Variants in GCNT1 observed in about 807,000 individuals in gnomAD.
The protein encoded by GCNT1 is glucosaminyl (N-acetyl) transferase 1.
In GCNT1, 16 loss-of-function variants were observed where a neutral mutation model predicts 26.2. The observed-to-expected ratio is 0.61, with a 90% confidence interval of 0.41 to 0.93. The LOEUF is 0.93. GCNT1 is among the 40% of genes least tolerant of loss of function. The pLI, the probability that GCNT1 is intolerant of heterozygous loss-of-function variation, is 0.00. For missense variants in GCNT1, 477 were observed against 526.7 expected (o/e 0.91, Z 0.92); for synonymous variants, 183 against 190.8 (o/e 0.96, Z 0.34).
chr9:76,473,086 TATGGGACC>T (rs1824175797), intron 2 of GCNT1, among the ~76,000 whole-genome samples: 3 of 152,274 alleles, frequency 2.0e-5, no homozygotes, highest in African/African-American at 7.2e-5. Flanking sequence ...TCTTGTAATT[TATGGGACC>T]ACAGACTCCA....
rs978890222 is a variant in GCNT1 at position 76,504,396 on chromosome 9, G to A, written c.*728G>A. ...AGACATCTTTTTTAAAAAAATTATAGCTTCTACCAAGAGAAACACTCAATT... is the reference window on the plus strand; with the variant it reads ...AGACATCTTTTTTAAAAAAATTATAACTTCTACCAAGAGAAACACTCAATT... On this transcript the variant is annotated 3_prime_UTR_variant, in exon 4 of 4. Transcript: ENST00000376730. 5 of 195,164 alleles carry A rather than the reference G, an allele frequency of 2.6e-5. No individual in the cohort carries two copies. The highest frequency in any genetic ancestry group is 1.2e-4 in the African/African-American group (5 of 42,630). The allele number at this position is 195,164 out of a possible 1,614,324, so 12.1% of individuals were successfully genotyped here.
At chr9:76,416,963 G>A (rs1017481102), upstream of GCNT1, among the ~76,000 whole-genome samples, 1 of 152,130 alleles carries the variant, frequency 6.6e-6, no homozygotes, top group Non-Finnish European at 1.5e-5. Flanking sequence ...GGGAGGCTAA[G>A]GCAGGAGAAT....
At chr9:76,394,463 G>C in the GCNT1 span, 1 of 317,916 alleles carries the variant, frequency 3.1e-6, no homozygotes. Flanking sequence ...GGGGCGGCCC[G>C]AAGCGCAGAG....
At chr9:76,422,658 TCCTCCCA>T (rs893684018) in intron 1 of GCNT1, among the ~76,000 whole-genome samples, 1 of 152,142 alleles carries the variant, frequency 6.6e-6, no homozygotes, top group Admixed American at 6.6e-5. Flanking sequence ...GCTCAAGTGA[TCCTCCCA>T]CCTCAGCCTC....
In GCNT1 at chr9:76,443,037, G is replaced by C. The variant is rs117930616; in HGVS notation, c.-290+722G>C. Among the ~76,000 whole-genome samples, 312 of 152,252 alleles carry C rather than the reference G, an allele frequency of 2.0e-3. 4 individuals are homozygous for C. In the East Asian group the frequency reaches 0.036, roughly 18 times the overall value. ...CATGGCCCAAGGTGGTAGCAATGGA[G>C]ATGGGTAAAAGGGATCCTAATCTGG... is the stretch of plus-strand genomic sequence containing the variant. On this transcript the variant is annotated intron_variant, in intron 1 of 2. Coordinates refer to the GCNT1 transcript ENST00000442371.
chr9:76,485,141 T>G (rs1216134694), intron 2 of GCNT1, among the ~76,000 whole-genome samples: 2 of 152,040 alleles, frequency 1.3e-5, no homozygotes, highest in African/African-American at 4.8e-5. Flanking sequence ...TTGTACTCAA[T>G]GGCATTTTTT....
At chr9:76,407,288 CA>C in the GCNT1 span, among the ~76,000 whole-genome samples, 18 of 151,980 alleles carry the variant, frequency 1.2e-4, no homozygotes, top group East Asian at 3.5e-3. Flanking sequence ...TAATTTTGGG[CA>C]TGAGTATAAA....
intron 2 of GCNT1, among the ~76,000 whole-genome samples, chr9:76,483,613 G>A (rs368896826): frequency 6.6e-6 from 1 of 151,916 alleles, no homozygotes; most frequent in Non-Finnish European, 1.5e-5. Context: ...TGTAGAGATG[G>A]TATCTCACCA....
At chr9:76,481,411 ATT>A (rs67182156) in intron 2 of GCNT1, among the ~76,000 whole-genome samples, 32 of 144,142 alleles carry the variant, frequency 2.2e-4, no homozygotes, top group African/African-American at 5.0e-4. Flanking sequence ...TTTTTTTGTG[ATT>A]TTTTTTTTTT....
At chr9:76,473,073 GT>G (rs1351569286) in intron 2 of GCNT1, among the ~76,000 whole-genome samples, 2 of 152,062 alleles carry the variant, frequency 1.3e-5, no homozygotes, top group Admixed American at 1.3e-4. Flanking sequence ...TTACGTCTTT[GT>G]TTCTTGTAAT....
the GCNT1 span, among the ~76,000 whole-genome samples, chr9:76,413,668 G>GTTTTTTTTTTTTTTTTTTGT: frequency 1.2e-5 from 1 of 84,212 alleles, no homozygotes; most frequent in Non-Finnish European, 2.6e-5. Flanking sequence ...TTTTTTTTTT[G>GTTTTTTTTTTTTTTTTTTGT]TTTTTTTTTT....
rs1228681856 is a variant in GCNT1, at chr9:76,451,936, TTTTC to T, written c.-290+9633_-290+9636del. On this transcript the variant is annotated intron_variant, in intron 1 of 2. Transcript: ENST00000442371. Reference sequence around the variant, plus strand: ...TCCTTATAGTACAACTTTTCTTTTCTTTTCTTTCTTTCTTTTTTTTTTTTTTTTT... The same window carrying T: ...TCCTTATAGTACAACTTTTCTTTTCTTTTCTTTCTTTTTTTTTTTTTTTTT... Among the ~76,000 whole-genome samples the T allele has an allele frequency of 2.8e-5, 4 of 143,382 alleles. No homozygotes were observed. In the South Asian group the frequency reaches 6.6e-4, roughly 24 times the overall value. 94.1% of individuals were successfully genotyped at this position (143,382 alleles called of 152,430 possible).
intron 2 of GCNT1, among the ~76,000 whole-genome samples, chr9:76,478,670 C>G (rs941572651): frequency 6.6e-6 from 1 of 152,114 alleles, no homozygotes; most frequent in African/African-American, 2.4e-5. Flanking sequence ...AATTTCATTC[C>G]TTTTTAAGAC....
chr9:76,472,699 A>AC (rs772041376), intron 2 of GCNT1, among the ~76,000 whole-genome samples: 22 of 151,938 alleles, frequency 1.4e-4, no homozygotes, highest in Non-Finnish European at 2.6e-4. Flanking sequence ...AAGGAGCCAA[A>AC]CCAGCAACAG....
chr9:76,403,396 A>T, the GCNT1 span, among the ~76,000 whole-genome samples: 1 of 152,228 alleles, frequency 6.6e-6, no homozygotes, highest in Non-Finnish European at 1.5e-5. Flanking sequence ...CAGGGGAAAA[A>T]CTATGCAAAT....
At chr9:76,485,346 G>T (rs950241719) in intron 2 of GCNT1, among the ~76,000 whole-genome samples, 5 of 151,750 alleles carry the variant, frequency 3.3e-5, no homozygotes, top group African/African-American at 4.8e-5. Context: ...CTAATTTTTT[G>T]TGTTTTTAGT....
At chr9:76,487,800 T>C (rs1327767691) in intron 2 of GCNT1, among the ~76,000 whole-genome samples, 1 of 152,204 alleles carries the variant, frequency 6.6e-6, no homozygotes, top group Non-Finnish European at 1.5e-5. Flanking sequence ...AGTGGTGCGA[T>C]CATGGCTTAC....
chr9:76,405,801 G>A, the GCNT1 span, among the ~76,000 whole-genome samples: 3 of 152,240 alleles, frequency 2.0e-5, no homozygotes, highest in East Asian at 1.9e-4. Context: ...ATTGAAGGAC[G>A]TCTTGATTGC....
intron 1 of GCNT1, among the ~76,000 whole-genome samples, chr9:76,422,052 G>C (rs566912496): frequency 6.6e-6 from 1 of 152,248 alleles, no homozygotes; most frequent in East Asian, 1.9e-4. Flanking sequence ...GGCAGCAGGA[G>C]AGAGAATGAG....
Sources: allele counts gnomAD v4.1 joint callset (sites outside exome capture counted in the v4.1 genomes callset), GRCh38; gene constraint gnomAD v4.1.1; transcripts MANE v1.5; gene names NCBI Gene and HGNC (gene_info 2026-07-23, HGNC 2026-07-21).